Variants in SLC25A21 observed in about 807,000 individuals in gnomAD.
The protein encoded by SLC25A21 is solute carrier family 25 member 21.
SLC25A21 carries 47 observed loss-of-function variants against 43.8 expected under a neutral mutation model. The ratio of observed to expected loss-of-function variants is 1.07; its 90% CI spans 0.85 to 1.37. The LOEUF is 1.37. Ranked by LOEUF, SLC25A21 falls within the 40% of genes most tolerant of loss-of-function variation. The pLI is 0.00. For missense variants in SLC25A21, 352 were observed against 350.2 expected (o/e 1.00, Z -0.04); for synonymous variants, 131 against 121.3 (o/e 1.08, Z -0.52).
At chr14:37,023,536 A>G (rs1331625906) in intron 1 of SLC25A21, among the ~76,000 whole-genome samples, 1 of 152,034 alleles carries the variant, frequency 6.6e-6, no homozygotes, top group African/African-American at 2.4e-5. Flanking sequence ...AAAAAAATTT[A>G]AGACCAGTGG....
chr14:36,800,984 G>A (rs1211730451), intron 3 of SLC25A21, among the ~76,000 whole-genome samples: 1 of 152,122 alleles, frequency 6.6e-6, no homozygotes, highest in Non-Finnish European at 1.5e-5. Context: ...ACAGATTACA[G>A]AAAATACCTT....
intron 1 of SLC25A21, among the ~76,000 whole-genome samples, chr14:36,960,418 G>A (rs1424212513): frequency 6.6e-6 from 1 of 151,848 alleles, no homozygotes; most frequent in African/African-American, 2.4e-5. Context: ...AAGAACTGAG[G>A]GAGGTAAGTA....
intron 1 of SLC25A21, among the ~76,000 whole-genome samples, chr14:36,877,381 T>C (rs1890567313): frequency 6.6e-6 from 1 of 152,262 alleles, no homozygotes; most frequent in South Asian, 2.1e-4. Flanking sequence ...TGCACATTTC[T>C]GGTAGTAAAC....
intron 3 of SLC25A21, among the ~76,000 whole-genome samples, chr14:36,762,965 C>T (rs1886221096): frequency 6.6e-6 from 1 of 152,190 alleles, no homozygotes; most frequent in African/African-American, 2.4e-5. Flanking sequence ...TTATATAGAC[C>T]CTGGTAGCTA....
At chr14:37,018,803 G>A (rs1197918471) in intron 1 of SLC25A21, among the ~76,000 whole-genome samples, 2 of 151,796 alleles carry the variant, frequency 1.3e-5, no homozygotes, top group African/African-American at 2.4e-5. Flanking sequence ...TACACCACCC[G>A]CATAATTTCA....
intron 1 of SLC25A21, among the ~76,000 whole-genome samples, chr14:37,076,705 A>G (rs1341770788): frequency 6.6e-6 from 1 of 151,980 alleles, no homozygotes; most frequent in Non-Finnish European, 1.5e-5. Flanking sequence ...CCAGGCCTCG[A>G]ACTCCTGACC....
At chr14:36,986,465 A>C (rs548588928) in intron 1 of SLC25A21, among the ~76,000 whole-genome samples, 3 of 152,276 alleles carry the variant, frequency 2.0e-5, no homozygotes, top group African/African-American at 7.2e-5. Flanking sequence ...TTTAATAGGA[A>C]TTAATCTGTG....
At chr14:37,075,622 T>C (rs10139726) in intron 1 of SLC25A21, among the ~76,000 whole-genome samples, 37,313 of 152,072 alleles carry the variant, frequency 0.25, 4,984 homozygotes, top group Non-Finnish European at 0.29. Flanking sequence ...TTTACTTATG[T>C]ATGCAGAAAA....
chr14:37,015,633 G>A (rs1960837611), intron 1 of SLC25A21, among the ~76,000 whole-genome samples: 1 of 151,354 alleles, frequency 6.6e-6, no homozygotes, highest in Non-Finnish European at 1.5e-5. Flanking sequence ...TTCCACAATG[G>A]TTGAACTAGT....
intron 3 of SLC25A21, among the ~76,000 whole-genome samples, chr14:36,795,639 G>A (rs1236687378): frequency 6.6e-6 from 1 of 152,174 alleles, no homozygotes; most frequent in Admixed American, 6.5e-5. Context: ...TAATACTGGG[G>A]CTACTGTGGA....
Position 36,678,823 on chromosome 14 carries a change from A to T in SLC25A21, c.*1835T>A. 1 of 996,228 alleles carries T rather than the reference A, an allele frequency of 1.0e-6. No homozygotes were observed. Among genetic ancestry groups the T allele is most frequent in the Non-Finnish European group, 1.2e-6 (1 of 828,974 alleles). The allele number at this position is 996,228 out of a possible 1,614,324, so 61.7% of individuals were successfully genotyped here. Reference sequence around the variant, plus strand: ...TCCTTTTCTCCCTCTAGGTCTTAACAGTGAATTCACATGGAGTAATTTTTA... The same window carrying T: ...TCCTTTTCTCCCTCTAGGTCTTAACTGTGAATTCACATGGAGTAATTTTTA... On this transcript the variant is annotated 3_prime_UTR_variant, in exon 10 of 10. Transcript: ENST00000331299.
intron 1 of SLC25A21, among the ~76,000 whole-genome samples, chr14:37,032,119 A>C (rs1382603297): frequency 6.6e-6 from 1 of 152,216 alleles, no homozygotes; most frequent in Admixed American, 6.5e-5. Context: ...TCTACATGTT[A>C]TATTTGAAGA....
intron 1 of SLC25A21, among the ~76,000 whole-genome samples, chr14:36,974,309 T>G (rs1488303968): frequency 6.6e-6 from 1 of 152,228 alleles, no homozygotes; most frequent in Admixed American, 6.5e-5. Context: ...ATATGACTCA[T>G]GCTTTCTCTT....
intron 1 of SLC25A21, among the ~76,000 whole-genome samples, chr14:36,983,026 G>A (rs184608291): frequency 6.6e-6 from 1 of 152,248 alleles, no homozygotes; most frequent in East Asian, 1.9e-4. Context: ...AAGTATGATT[G>A]AATAATGCTC....
chr14:36,969,972 T>C (rs1959712834), intron 1 of SLC25A21, among the ~76,000 whole-genome samples: 1 of 152,130 alleles, frequency 6.6e-6, no homozygotes. Flanking sequence ...CCAGATTCCA[T>C]TGTCTCTGAC....
intron 7 of SLC25A21, among the ~76,000 whole-genome samples, chr14:36,703,372 C>T (rs910451540): frequency 1.3e-5 from 2 of 152,162 alleles, no homozygotes; most frequent in African/African-American, 4.8e-5. Flanking sequence ...TGGCACCACC[C>T]TCAGACATTC....
At chr14:36,802,163 T>C (rs1394337533) in intron 3 of SLC25A21, among the ~76,000 whole-genome samples, 1 of 152,232 alleles carries the variant, frequency 6.6e-6, no homozygotes, top group Admixed American at 6.5e-5. Flanking sequence ...GTGTCGTAAA[T>C]TTTCTTACTA....
At chr14:36,903,846 C>A (rs1023132335) in intron 1 of SLC25A21, among the ~76,000 whole-genome samples, 2 of 152,106 alleles carry the variant, frequency 1.3e-5, no homozygotes, top group African/African-American at 4.8e-5. Flanking sequence ...TCGGATTAGC[C>A]ATGTAAGTGT....
At chr14:36,681,690 T>C (rs538116623) in intron 9 of SLC25A21, among the ~76,000 whole-genome samples, 19 of 152,220 alleles carry the variant, frequency 1.2e-4, no homozygotes, top group Admixed American at 7.2e-4. Context: ...TGGAAAGAAA[T>C]AGAACTTGAT....
Sources: gnomAD v4.1 joint callset for allele counts (sites outside exome capture counted in the v4.1 genomes callset) on GRCh38, gnomAD v4.1.1 for gene constraint, MANE v1.5 for transcripts, NCBI Gene and HGNC (gene_info 2026-07-23, HGNC 2026-07-21) for gene names.